The following UBAP2 variants were observed in gnomAD, a reference collection of about 807,000 sequenced individuals.
UBAP2 encodes ubiquitin associated protein 2.
Under a neutral mutation model 139.6 loss-of-function variants are expected in UBAP2, and 75 were observed. The observed-to-expected ratio is 0.54, with a 90% CI of 0.45 to 0.65. The LOEUF (loss-of-function observed/expected upper bound fraction) is 0.65. Ranked by LOEUF, UBAP2 falls within the 30% of genes least tolerant of loss-of-function variation. The pLI is 0.00. For missense variants in UBAP2, 1,368 were observed against 1,369.6 expected (o/e 1.00, Z 0.02); for synonymous variants, 526 against 526.2 (o/e 1.00, Z 0.01).
intron 10 of UBAP2, 106 bp downstream of exon 10, chr9:33,960,720 C>T: frequency 9.4e-7 from 1 of 1,063,714 alleles, no homozygotes; most frequent in Non-Finnish European, 1.4e-6. Context: ...GCAGAGGTTG[C>T]AATGAGCCAA....
intron 11 of UBAP2, among the ~76,000 whole-genome samples, chr9:33,955,234 G>A (rs1826450891): frequency 6.6e-6 from 1 of 150,756 alleles, no homozygotes; most frequent in Non-Finnish European, 1.5e-5. Flanking sequence ...CATTAAAAAA[G>A]TTTAGGCCAG....
chr9:34,013,090 T>C (rs1823904286), intron 2 of UBAP2, among the ~76,000 whole-genome samples: 2 of 147,476 alleles, frequency 1.4e-5, no homozygotes, highest in Admixed American at 6.9e-5. Flanking sequence ...GGAGGCACAG[T>C]TGCCGTTAGC....
chr9:33,960,781 A>C (rs1201956579), intron 10 of UBAP2, 45 bp downstream of exon 10: 1 of 301,596 alleles, frequency 3.3e-6, no homozygotes, highest in Non-Finnish European at 5.5e-6. Flanking sequence ...ATTCCATTTC[A>C]AAAAAAAAAA....
chr9:33,962,466 T>C (rs1339723578), intron 9 of UBAP2, among the ~76,000 whole-genome samples: 2 of 151,810 alleles, frequency 1.3e-5, no homozygotes, highest in East Asian at 3.9e-4. Flanking sequence ...GTCAATATGA[T>C]GAAACCCCGT....
At chr9:34,047,195 A>G (rs1827678473) in intron 1 of UBAP2, among the ~76,000 whole-genome samples, 1 of 152,144 alleles carries the variant, frequency 6.6e-6, no homozygotes, top group South Asian at 2.1e-4. Flanking sequence ...AAATGGGGGA[A>G]ATCAGCGCTG....
intron 6 of UBAP2, among the ~76,000 whole-genome samples, chr9:33,982,476 G>A (rs765998668): frequency 1.3e-5 from 2 of 152,096 alleles, no homozygotes; most frequent in East Asian, 1.9e-4. Flanking sequence ...TATATAAAGC[G>A]AACGTAATAG....
At chr9:33,992,544 C>T (rs1057037446) in intron 4 of UBAP2, among the ~76,000 whole-genome samples, 17 of 151,170 alleles carry the variant, frequency 1.1e-4, no homozygotes, top group African/African-American at 3.9e-4. Context: ...TGGGTGACAG[C>T]GCAAGACTCC....
intron 19 of UBAP2, 107 bp from the exon 20 acceptor site, chr9:33,928,099 G>T: frequency 8.1e-7 from 1 of 1,228,948 alleles, no homozygotes; most frequent in Non-Finnish European, 1.1e-6. Flanking sequence ...GAGCAGGCAG[G>T]CAATGATGTA....
intron 6 of UBAP2, among the ~76,000 whole-genome samples, chr9:33,980,913 C>T (rs1302349539): frequency 3.3e-5 from 5 of 150,688 alleles, no homozygotes. Context: ...CACCACTGCA[C>T]ACCAGCCTGG....
chr9:34,017,733 T>G (rs190946126), intron 1 of UBAP2, among the ~76,000 whole-genome samples: 21 of 152,248 alleles, frequency 1.4e-4, no homozygotes, highest in African/African-American at 5.1e-4. Flanking sequence ...GAGACCATGC[T>G]GGCTAACACA....
At chr9:33,968,596 A>G (rs923677044) in intron 8 of UBAP2, 2 of 307,306 alleles carry the variant, frequency 6.5e-6, no homozygotes, top group Non-Finnish European at 1.3e-5. Context: ...ATCATGAACG[A>G]ATATTGAACA....
At chr9:34,001,284 T>C (rs1822678792) in intron 2 of UBAP2, among the ~76,000 whole-genome samples, 1 of 152,206 alleles carries the variant, frequency 6.6e-6, no homozygotes, top group Non-Finnish European at 1.5e-5. Flanking sequence ...AGGACATACA[T>C]ACATACACAT....
Position 34,001,107 on chromosome 9 carries a change from C to A in UBAP2, c.100-2243G>T, listed in dbSNP as rs35624452. ...AACTAGATGAAGTAAAAGGGAAAAG[C>A]AAAGGGAGAGATGGGTTTTTAAAAG... On this transcript the variant is annotated intron_variant, in intron 2 of 28. Transcript: ENST00000379238. Among the ~76,000 whole-genome samples the A allele has an allele frequency of 2.7e-3, 407 of 152,226 alleles. 1 individual carries two copies. Among genetic ancestry groups the A allele is most frequent in the Non-Finnish European group, 4.2e-3 (287 of 68,014 alleles).
At chr9:33,937,995 T>C (rs1436572550) in intron 16 of UBAP2, among the ~76,000 whole-genome samples, 1 of 152,032 alleles carries the variant, frequency 6.6e-6, no homozygotes, top group African/African-American at 2.4e-5. Flanking sequence ...GGGGTTTCTT[T>C]TGTTTTTTTG....
chr9:34,009,107 G>GT (rs199657011), intron 2 of UBAP2, among the ~76,000 whole-genome samples: 5,452 of 136,890 alleles, frequency 0.04, 149 homozygotes, highest in African/African-American at 0.077. Context: ...GTTTTGTTTT[G>GT]TTTTTTTTTT....
At chr9:33,981,823 C>T (rs1014976301) in intron 6 of UBAP2, among the ~76,000 whole-genome samples, 2 of 59,360 alleles carry the variant, frequency 3.4e-5, no homozygotes, top group Non-Finnish European at 6.2e-5. Flanking sequence ...AGGGGGGAAG[C>T]GGGGAAGGAG....
At chr9:33,955,519 C>CA (rs1308671523) in intron 11 of UBAP2, among the ~76,000 whole-genome samples, 1 of 145,420 alleles carries the variant, frequency 6.9e-6, no homozygotes, top group South Asian at 2.2e-4. Context: ...GACTCCGTCT[C>CA]AAAAAAACAA....
chr9:34,014,701 A>G (rs1298647580), intron 2 of UBAP2, among the ~76,000 whole-genome samples: 1 of 151,816 alleles, frequency 6.6e-6, no homozygotes, highest in Non-Finnish European at 1.5e-5. Flanking sequence ...AGGCTGAGGC[A>G]AGAGAATCAC....
intron 1 of UBAP2, among the ~76,000 whole-genome samples, chr9:34,023,141 G>A (rs570669734): frequency 5.9e-5 from 9 of 151,276 alleles, no homozygotes; most frequent in East Asian, 2.0e-4. Context: ...CAGAAGAATC[G>A]CTTGAACCCA....
Sources: gnomAD v4.1 joint callset for allele counts (sites outside exome capture counted in the v4.1 genomes callset) on GRCh38, gnomAD v4.1.1 for gene constraint, MANE v1.5 for transcripts, NCBI Gene and HGNC (gene_info 2026-07-23, HGNC 2026-07-21) for gene names.